Variants in PLA2G12A observed in about 807,000 individuals in gnomAD.
PLA2G12A encodes phospholipase A2 group XIIA.
A neutral mutation model predicts 16.0 loss-of-function variants in PLA2G12A; 11 were observed. The ratio of observed to expected loss-of-function variants is 0.69; its 90% confidence interval spans 0.43 to 1.13. The LOEUF is 1.13. PLA2G12A is among the 50% of genes most tolerant of loss of function. PLA2G12A has a pLI of 0.00. For missense variants in PLA2G12A, 214 were observed against 237.3 expected, an observed-to-expected ratio of 0.90 and a Z score of 0.65; for synonymous variants, 77 against 93.8, an observed-to-expected ratio of 0.82 and a Z score of 1.03.
intron 1 of PLA2G12A, among the ~76,000 whole-genome samples, chr4:109,719,284 A>C (rs1279748063): frequency 1.3e-5 from 2 of 152,232 alleles, no homozygotes; most frequent in Non-Finnish European, 2.9e-5. Flanking sequence ...TCTGATGATC[A>C]TTCAATAACC....
chr4:109,720,986 G>C (rs924158438), intron 1 of PLA2G12A, among the ~76,000 whole-genome samples: 8 of 151,996 alleles, frequency 5.3e-5, no homozygotes, highest in African/African-American at 1.9e-4. Context: ...CAGGAGAATC[G>C]CTTGAACCTA....
chr4:109,718,753 T>C lies in PLA2G12A; in HGVS notation c.215A>G (p.Lys72Arg). The change falls in exon 2 of 4, where the codon AAG becomes AGG. Residue 72 changes from lysine to arginine, a missense_variant. Transcript: ENST00000243501. ...TTTATAACCATAACGTGGGAAAGGCTTAGATCCTATAAAATATAATGGTAT... is the reference window on the plus strand; with the variant it reads ...TTTATAACCATAACGTGGGAAAGGCCTAGATCCTATAAAATATAATGGTAT... The part of the protein sequence containing the change: ...LCQYKCSDGS[K>R]PFPRYGYKPS... 1 of 1,576,250 alleles carries C rather than the reference T, an allele frequency of 6.3e-7. No homozygotes were observed.
At chr4:109,722,460 T>C (rs1561272749) in intron 1 of PLA2G12A, among the ~76,000 whole-genome samples, 1 of 152,244 alleles carries the variant, frequency 6.6e-6, no homozygotes, top group Non-Finnish European at 1.5e-5. Context: ...AGATCTCTCA[T>C]GAATGGAATT....
Position 109,710,573 on chromosome 4 carries a change from C to T in PLA2G12A, c.*3804G>A, listed in dbSNP as rs974548878. On this transcript the variant is annotated 3_prime_UTR_variant, in exon 4 of 4. Transcript: ENST00000243501. ...CTCTGCTTCCCAGGTTCAACCAATT[C>T]TTGTGCCTTCACCTCCCGAGTGGCT... 6.6e-6 allele frequency: 1 copy of T among 152,310 alleles called. No individual in the cohort carries two copies. Among genetic ancestry groups the T allele is most frequent in the Non-Finnish European group, 1.5e-5 (1 of 68,116 alleles). The allele number at this position is 152,310 out of a possible 1,614,324, so 9.4% of individuals were successfully genotyped here. A position where few individuals can be genotyped will look rare whatever the true frequency, so the allele number is the denominator to read the frequency against.
chr4:109,715,720 C>T (rs926489243), intron 3 of PLA2G12A, among the ~76,000 whole-genome samples: 7 of 152,172 alleles, frequency 4.6e-5, no homozygotes, highest in African/African-American at 1.7e-4. Context: ...AGTGGTCCAC[C>T]AGCCAAGGCC....
In PLA2G12A at chr4:109,710,887, A is replaced by C. The variant is rs1730713213; in HGVS notation, c.*3490T>G. The C allele has an allele frequency of 6.6e-6, 1 of 152,178 alleles. No homozygotes were observed. The highest frequency in any genetic ancestry group is 1.5e-5 in the Non-Finnish European group (1 of 68,036). 9.4% of individuals were successfully genotyped at this position (152,178 alleles called of 1,614,324 possible). Reference sequence around the variant, plus strand: ...TATATCTCAATTCTGTCTTCATTACAGCTCTGTGCTCAGTTTCTCCATCTA... The same window carrying C: ...TATATCTCAATTCTGTCTTCATTACCGCTCTGTGCTCAGTTTCTCCATCTA... On this transcript the variant is annotated 3_prime_UTR_variant, in exon 4 of 4. Coordinates refer to ENST00000243501, the MANE Select transcript of PLA2G12A (RefSeq NM_030821.5).
chr4:109,711,225 T>G lies in PLA2G12A; in HGVS notation c.*3152A>C, dbSNP rs1378131464. On this transcript the variant is annotated 3_prime_UTR_variant, in exon 4 of 4. Coordinates refer to ENST00000243501, the MANE Select transcript of PLA2G12A (RefSeq NM_030821.5). ...GTACACACATAAATAATTATAGATGTGTACATATGCATGGATTAATATACA... is the reference window on the plus strand; with the variant it reads ...GTACACACATAAATAATTATAGATGGGTACATATGCATGGATTAATATACA... 1 of 152,196 alleles carries G rather than the reference T, an allele frequency of 6.6e-6. No individual in the cohort carries two copies. Among genetic ancestry groups the G allele is most frequent in the African/African-American group, 2.4e-5 (1 of 41,452 alleles). 9.4% of individuals were successfully genotyped at this position (152,196 alleles called of 1,614,324 possible).
rs780971363 is a variant in PLA2G12A at position 109,729,587 on chromosome 4, C to G, written c.208+15G>C. ...CGAAAGCACGAGCCCTCGCTGGGCC[C>G]GGGTGCCCCCTCACCGTCACTGCAT... On this transcript the variant is annotated intron_variant, in intron 1 of 3. Coordinates refer to ENST00000243501, the MANE Select transcript of PLA2G12A (RefSeq NM_030821.5). The G allele has an allele frequency of 3.1e-6, 5 of 1,601,872 alleles. No homozygotes were observed. Among genetic ancestry groups the G allele is most frequent in the Non-Finnish European group, 4.3e-6 (5 of 1,172,100 alleles).
At chr4:109,718,287 A>C (rs1162785199) in intron 2 of PLA2G12A, among the ~76,000 whole-genome samples, 2 of 152,164 alleles carry the variant, frequency 1.3e-5, no homozygotes, top group Non-Finnish European at 2.9e-5. Context: ...TCATTCTCAT[A>C]AACATTTTTT....
In PLA2G12A at chr4:109,712,804, T is replaced by C. The variant is rs1453168903; in HGVS notation, c.*1573A>G. 6.6e-6 allele frequency: 1 copy of C among 152,252 alleles called. No individual in the cohort carries two copies. The highest frequency in any genetic ancestry group is 2.1e-4 in the South Asian group (1 of 4,824). 9.4% of individuals were successfully genotyped at this position (152,252 alleles called of 1,614,324 possible). A position where few individuals can be genotyped will look rare whatever the true frequency, so the allele number is the denominator to read the frequency against. On this transcript the variant is annotated 3_prime_UTR_variant, in exon 4 of 4. Coordinates refer to ENST00000243501, the MANE Select transcript of PLA2G12A (RefSeq NM_030821.5). Reference sequence around the variant, plus strand: ...AGCCACTGTGCCCAGCCGATAAGCATTAATTATTAATAATGGCTTACAAAA... The same window carrying C: ...AGCCACTGTGCCCAGCCGATAAGCACTAATTATTAATAATGGCTTACAAAA...
rs1392659471 is a variant in PLA2G12A at position 109,729,824 on chromosome 4, G to C, written c.-15C>G. The C allele has an allele frequency of 3.9e-6, 6 of 1,545,364 alleles. No individual in the cohort carries two copies. The South Asian group carries it at 7.2e-5, about 18-fold the overall frequency. On this transcript the variant is annotated 5_prime_UTR_variant, in exon 1 of 4. Transcript: ENST00000243501. ...AGCAGGGCCATGCGCGCAGCGCCGG[G>C]CTCTACGGGTCCCCGAGCCGCGGCG... is the stretch of plus-strand genomic sequence containing the variant.
In PLA2G12A at chr4:109,729,615, A is replaced by T. The variant is rs1475644739; in HGVS notation, c.195T>A (p.Tyr65Ter). The change falls in exon 1 of 4, where the codon TAT (tyrosine) becomes TAA (stop). Residue 65 changes from tyrosine (Y) to a stop codon, truncating the protein, a stop_gained. Transcript: ENST00000243501. LOFTEE classifies it high-confidence loss of function. ...GTGCCCCCTCACCGTCACTGCATTT[A>T]TACTGGCAGAGACCGTCCTCGCCTC... ...LLGGEDGLCQYKCSDGSKPFP... is the reference protein window; with the variant it reads ...LLGGEDGLCQ 2 of 1,611,166 alleles carry T rather than the reference A, an allele frequency of 1.2e-6. No individual in the cohort carries two copies. Among genetic ancestry groups the T allele is most frequent in the Non-Finnish European group, 1.7e-6 (2 of 1,179,274 alleles).
rs538142794 is a variant in PLA2G12A at position 109,730,047 on chromosome 4, T to G, written c.-238A>C. The stretch of plus-strand genomic sequence containing the variant: ...ACCTGGACCAGCGCGCCCGCTCACC[T>G]GGGCCAGCAACCGTCCCCTGTGCGC... On this transcript the variant is annotated 5_prime_UTR_variant, in exon 1 of 4. Transcript: ENST00000243501. 388 of 434,264 alleles carry G rather than the reference T, an allele frequency of 8.9e-4. 2 individuals carry two copies. Among genetic ancestry groups the G allele is most frequent in the African/African-American group, 7.4e-3 (343 of 46,214 alleles). 26.9% of individuals were successfully genotyped at this position (434,264 alleles called of 1,614,324 possible).
intron 1 of PLA2G12A, among the ~76,000 whole-genome samples, chr4:109,723,742 T>C (rs1297718582): frequency 1.3e-5 from 2 of 152,164 alleles, no homozygotes; most frequent in Admixed American, 6.5e-5. Flanking sequence ...CACTAAGAAA[T>C]AGGTCAAGTT....
intron 1 of PLA2G12A, among the ~76,000 whole-genome samples, chr4:109,728,891 C>T (rs1722988876): frequency 6.6e-6 from 1 of 152,174 alleles, no homozygotes; most frequent in African/African-American, 2.4e-5. Context: ...AAATGTGCTA[C>T]AAAAGAACTA....
intron 1 of PLA2G12A, among the ~76,000 whole-genome samples, 159 bp from the exon 2 acceptor site, chr4:109,718,918 T>C (rs1405254143): frequency 6.6e-6 from 1 of 152,220 alleles, no homozygotes; most frequent in African/African-American, 2.4e-5. Context: ...GCATTAAGAA[T>C]GCTAATTAGA....
Position 109,730,052 on chromosome 4 carries a change from C to T in PLA2G12A, c.-243G>A, listed in dbSNP as rs1723026571. 3 of 436,038 alleles carry T rather than the reference C, an allele frequency of 6.9e-6. No individual in the cohort carries two copies. The allele number at this position is 436,038 out of a possible 1,614,324, so 27.0% of individuals were successfully genotyped here. A position where few individuals can be genotyped will look rare whatever the true frequency, so the allele number is the denominator to read the frequency against. ...GACCAGCGCGCCCGCTCACCTGGGC[C>T]AGCAACCGTCCCCTGTGCGCCTGCG... On this transcript the variant is annotated 5_prime_UTR_variant, in exon 1 of 4. Coordinates refer to ENST00000243501, the MANE Select transcript of PLA2G12A (RefSeq NM_030821.5).
intron 2 of PLA2G12A, 60 bp downstream of exon 2, chr4:109,718,623 A>G: frequency 7.7e-7 from 1 of 1,297,826 alleles, no homozygotes; most frequent in Non-Finnish European, 1.1e-6. Flanking sequence ...GTCTTATATC[A>G]CCAAAAGTAT....
intron 3 of PLA2G12A, 48 bp from the exon 4 acceptor site, chr4:109,714,543 T>TG (rs771619753): frequency 8.2e-7 from 1 of 1,223,414 alleles, no homozygotes; most frequent in South Asian, 1.2e-5. Flanking sequence ...GCATTGCTCT[T>TG]TTCACCTATG....
Sources: allele counts gnomAD v4.1 joint callset (sites outside exome capture counted in the v4.1 genomes callset), GRCh38; gene constraint gnomAD v4.1.1; transcripts MANE v1.5; gene names NCBI Gene and HGNC (gene_info 2026-07-23, HGNC 2026-07-21).